Variants in C9orf153 observed in about 807,000 individuals in gnomAD.
C9orf153 encodes the protein chromosome 9 open reading frame 153.
C9orf153 carries 10 observed loss-of-function variants against 9.0 expected under a neutral mutation model. That is an observed-to-expected ratio of 1.11 (90% CI 0.69 to 1.89). The LOEUF (loss-of-function observed/expected upper bound fraction) is 1.89. Ranked by LOEUF, C9orf153 falls within the 40% of genes most tolerant of loss-of-function variation. The pLI is 0.00. For missense variants in C9orf153, 108 were observed against 111.0 expected, an observed-to-expected ratio of 0.97 and a Z score of 0.12; for synonymous variants, 35 against 37.3, an observed-to-expected ratio of 0.94 and a Z score of 0.23.
At chr9:86,244,516 A>G (rs1824822010) in intron 1 of C9orf153, among the ~76,000 whole-genome samples, 1 of 152,250 alleles carries the variant, frequency 6.6e-6, no homozygotes, top group Non-Finnish European at 1.5e-5. Flanking sequence ...ATACGGCAGC[A>G]GATGTATGAT....
intron 1 of C9orf153, among the ~76,000 whole-genome samples, chr9:86,236,803 C>A: frequency 6.6e-6 from 1 of 150,564 alleles, no homozygotes; most frequent in Admixed American, 6.6e-5. Context: ...ACAGTTTGTT[C>A]AAAATAATAA....
chr9:86,228,031 CTGTGG>C lies in C9orf153; in HGVS notation c.67-6_67-2del. ...CAATACATGCATATAATTCTGGAAGCTGTGGACAAAAAAAAAAGTGGTAAGTCACG... is the reference window on the plus strand; with the variant it reads ...CAATACATGCATATAATTCTGGAAGCACAAAAAAAAAAGTGGTAAGTCACG... On this transcript the variant is annotated splice_acceptor_variant and splice_polypyrimidine_tract_variant and intron_variant, in intron 2 of 3. Coordinates refer to ENST00000339137, the MANE Select transcript of C9orf153 (RefSeq NM_001276366.4). LOFTEE classifies it high-confidence loss of function. The C allele has an allele frequency of 6.3e-7, 1 of 1,577,234 alleles. No individual in the cohort carries two copies. The highest frequency in any genetic ancestry group is 1.9e-5 in the Admixed American group (1 of 53,132).
chr9:86,259,291 G>A (rs1825194650), intron 1 of C9orf153, among the ~76,000 whole-genome samples: 1 of 152,166 alleles, frequency 6.6e-6, no homozygotes, highest in African/African-American at 2.4e-5. Flanking sequence ...TTGAAGGCCG[G>A]AAAGGATGAG....
Position 86,220,624 on chromosome 9 carries a change from A to G in C9orf153, c.*1064T>C, listed in dbSNP as rs956858634. 5 of 151,816 alleles carry G rather than the reference A, an allele frequency of 3.3e-5. No individual in the cohort carries two copies. The highest frequency in any genetic ancestry group is 9.7e-5 in the African/African-American group (4 of 41,326). 9.4% of individuals were successfully genotyped at this position (151,816 alleles called of 1,614,324 possible). On this transcript the variant is annotated 3_prime_UTR_variant, in exon 4 of 4. Transcript: ENST00000339137. Reference sequence around the variant, plus strand: ...AATCCATCTCTCTTTCGTAGATTATATTTTCCTTTACTGCTTAGTGGTCCA... The same window carrying G: ...AATCCATCTCTCTTTCGTAGATTATGTTTTCCTTTACTGCTTAGTGGTCCA...
At chr9:86,254,944 A>T (rs990801474) in intron 1 of C9orf153, among the ~76,000 whole-genome samples, 1 of 152,054 alleles carries the variant, frequency 6.6e-6, no homozygotes, top group Non-Finnish European at 1.5e-5. Flanking sequence ...GCATGCCTGT[A>T]GTCCCAGCTA....
At chr9:86,256,459 T>C (rs964031097) in intron 1 of C9orf153, among the ~76,000 whole-genome samples, 2 of 152,234 alleles carry the variant, frequency 1.3e-5, no homozygotes, top group Non-Finnish European at 2.9e-5. Flanking sequence ...TAATTGAATG[T>C]TATTTAAGAA....
intron 1 of C9orf153, among the ~76,000 whole-genome samples, chr9:86,254,703 C>G (rs1478532621): frequency 2.6e-5 from 4 of 152,192 alleles, no homozygotes; most frequent in Non-Finnish European, 4.4e-5. Context: ...CCTAGCCCAT[C>G]TGCAATGCCA....
At chr9:86,237,869 A>T (rs1824632789) in intron 1 of C9orf153, among the ~76,000 whole-genome samples, 2 of 152,156 alleles carry the variant, frequency 1.3e-5, no homozygotes, top group African/African-American at 4.8e-5. Context: ...ACCTGAGGTC[A>T]GGAGTTCGAG....
chr9:86,226,195 T>C lies in C9orf153; in HGVS notation c.242+1660A>G, dbSNP rs1002513682. On this transcript the variant is annotated intron_variant, in intron 3 of 3. Transcript: ENST00000339137. ...GACTCTATGAAAGGATTTCGAAGCC[T>C]GCATTTGGCTCTGTTAAGATGTCAA... Among the ~76,000 whole-genome samples the C allele has an allele frequency of 3.3e-5, 5 of 152,328 alleles. No individual in the cohort carries two copies. The South Asian group carries it at 8.3e-4, about 25-fold the overall frequency.
At chr9:86,225,848 A>C (rs1824318921) in intron 3 of C9orf153, among the ~76,000 whole-genome samples, 1 of 152,204 alleles carries the variant, frequency 6.6e-6, no homozygotes, top group African/African-American at 2.4e-5. Flanking sequence ...CAGGAAATGA[A>C]GATATGGAGG....
intron 1 of C9orf153, among the ~76,000 whole-genome samples, chr9:86,235,497 C>T (rs1453416556): frequency 6.6e-6 from 1 of 151,954 alleles, no homozygotes; most frequent in Non-Finnish European, 1.5e-5. Flanking sequence ...TGGCTTATGC[C>T]TGTAATACCA....
At chr9:86,255,532 G>A (rs1459085018) in intron 1 of C9orf153, among the ~76,000 whole-genome samples, 1 of 152,112 alleles carries the variant, frequency 6.6e-6, no homozygotes, top group Admixed American at 6.6e-5. Flanking sequence ...TACCTGTGAG[G>A]TTTCATCTAC....
chr9:86,239,126 C>T (rs1192786610), intron 1 of C9orf153, among the ~76,000 whole-genome samples: 8 of 151,682 alleles, frequency 5.3e-5, no homozygotes, highest in African/African-American at 9.7e-5. Context: ...CCAGGCGTGG[C>T]GGCGCATGCC....
At chr9:86,253,813 T>C (rs1219803968) in intron 1 of C9orf153, among the ~76,000 whole-genome samples, 1 of 152,170 alleles carries the variant, frequency 6.6e-6, no homozygotes, top group Non-Finnish European at 1.5e-5. Context: ...ACAATTTGGC[T>C]GGGCGTGGTG....
chr9:86,238,659 A>C (rs962551236), intron 1 of C9orf153, among the ~76,000 whole-genome samples: 1 of 152,168 alleles, frequency 6.6e-6, no homozygotes, highest in East Asian at 1.9e-4. Context: ...TGTATGTTTA[A>C]ATTTTTCTTT....
intron 1 of C9orf153, among the ~76,000 whole-genome samples, chr9:86,253,551 A>G (rs1825040195): frequency 6.6e-6 from 1 of 152,220 alleles, no homozygotes; most frequent in Non-Finnish European, 1.5e-5. Context: ...CCAACTTTAA[A>G]AGAGCCCATA....
chr9:86,259,290 G>A (rs753072585), intron 1 of C9orf153, among the ~76,000 whole-genome samples: 5 of 152,128 alleles, frequency 3.3e-5, no homozygotes, highest in Non-Finnish European at 4.4e-5. Flanking sequence ...GTTGAAGGCC[G>A]GAAAGGATGA....
intron 1 of C9orf153, among the ~76,000 whole-genome samples, chr9:86,245,693 C>G (rs1228858495): frequency 6.6e-6 from 1 of 152,174 alleles, no homozygotes; most frequent in Non-Finnish European, 1.5e-5. Context: ...TGTATGCTTC[C>G]TATTTTTAGT....
intron 1 of C9orf153, among the ~76,000 whole-genome samples, chr9:86,247,084 C>CATCTGGT (rs898090316): frequency 6.6e-6 from 1 of 152,204 alleles, no homozygotes; most frequent in African/African-American, 2.4e-5. Context: ...GCACCACTGT[C>CATCTGGT]AGGACATCTG....
Sources: gnomAD v4.1 joint callset for allele counts (sites outside exome capture counted in the v4.1 genomes callset) on GRCh38, gnomAD v4.1.1 for gene constraint, MANE v1.5 for transcripts, NCBI Gene and HGNC (gene_info 2026-07-23, HGNC 2026-07-21) for gene names.